Variants in C19orf12 observed in about 807,000 individuals in gnomAD.
C19orf12 encodes chromosome 19 open reading frame 12.
In C19orf12, 2 loss-of-function variants were observed where a neutral mutation model predicts 3.8. The ratio of observed to expected loss-of-function variants is 0.53; its 90% CI spans 0.22 to 1.66. C19orf12 has a LOEUF of 1.66. Ranked by LOEUF, C19orf12 falls within the 40% of genes most tolerant of loss-of-function variation. C19orf12 has a pLI of 0.20. For synonymous variants in C19orf12, 89 were observed against 84.6 expected (o/e 1.05, Z -0.28); for missense variants, 156 against 188.8 (o/e 0.83, Z 1.02).
chr19:29,699,310 A>T lies in C19orf12; in HGVS notation c.*3402T>A, dbSNP rs1211881605. 6.4e-6 allele frequency: 2 copies of T among 311,156 alleles called. No individual in the cohort carries two copies. The highest frequency in any genetic ancestry group is 8.9e-5 in the East Asian group (1 of 11,182). The allele number at this position is 311,156 out of a possible 1,614,324, so 19.3% of individuals were successfully genotyped here. A position where few individuals can be genotyped will look rare whatever the true frequency, so the allele number is the denominator to read the frequency against. On this transcript the variant is annotated 3_prime_UTR_variant, in exon 3 of 3. Coordinates refer to ENST00000323670, the MANE Select transcript of C19orf12 (RefSeq NM_031448.6). ...GTGAAACCCCGTCTCTACTAAAAATAAAAAAAAAATAAAAAAATAAAAATT... is the reference window on the plus strand; with the variant it reads ...GTGAAACCCCGTCTCTACTAAAAATTAAAAAAAAATAAAAAAATAAAAATT...
At position 29,701,196 on chromosome 19, in the gene C19orf12, T is replaced by C. The variant is rs1481066923; in HGVS notation, c.*1516A>G. The C allele has an allele frequency of 4.4e-6, 2 of 454,026 alleles. No individual in the cohort carries two copies. Among genetic ancestry groups the C allele is most frequent in the African/African-American group, 4.0e-5 (2 of 50,010 alleles). 28.1% of individuals were successfully genotyped at this position (454,026 alleles called of 1,614,324 possible). A position where few individuals can be genotyped will look rare whatever the true frequency, so the allele number is the denominator to read the frequency against. On this transcript the variant is annotated 3_prime_UTR_variant, in exon 3 of 3. Transcript: ENST00000323670. The stretch of plus-strand genomic sequence containing the variant: ...AAAACATTTATTGTAATCGATCACA[T>C]TCAAGTCGTAGTTCTGAAAGCAAAG...
chr19:29,703,031 T>C, intron 2 of C19orf12, 54 bp from the exon 3 acceptor site: 1 of 1,611,004 alleles, frequency 6.2e-7, no homozygotes, highest in Non-Finnish European at 8.5e-7. Flanking sequence ...GCGATGGCCT[T>C]ACTTAAGTTC....
At chr19:29,706,411 C>T (rs1972380488) in intron 2 of C19orf12, among the ~76,000 whole-genome samples, 1 of 152,158 alleles carries the variant, frequency 6.6e-6, no homozygotes, top group African/African-American at 2.4e-5. Flanking sequence ...GATGCTCCCG[C>T]CCATGACCAG....
At position 29,702,235 on chromosome 19, in the gene C19orf12, C is replaced by T. The variant is rs1446237047; in HGVS notation, c.*477G>A. 1 of 455,018 alleles carries T rather than the reference C, an allele frequency of 2.2e-6. No homozygotes were observed. Among genetic ancestry groups the T allele is most frequent in the South Asian group, 1.6e-5 (1 of 64,490 alleles). 28.2% of individuals were successfully genotyped at this position (455,018 alleles called of 1,614,324 possible). A position where few individuals can be genotyped will look rare whatever the true frequency, so the allele number is the denominator to read the frequency against. ...CACTAGGAGGTAAACATGATTCCAG[C>T]ATGGGCTGCTCCAAGGCCCTGAGAC... On this transcript the variant is annotated 3_prime_UTR_variant, in exon 3 of 3. Transcript: ENST00000323670.
In C19orf12 at chr19:29,702,510, A is replaced by G; in HGVS notation, c.*202T>C. On this transcript the variant is annotated 3_prime_UTR_variant, in exon 3 of 3. Coordinates refer to ENST00000323670, the MANE Select transcript of C19orf12 (RefSeq NM_031448.6). ...GTCATGGCAGGCCAGTGCACATGCC[A>G]CCAACACATGCTGCTTCATCAGTAA... 1.3e-6 allele frequency: 1 copy of G among 777,730 alleles called. No individual in the cohort carries two copies. Among genetic ancestry groups the G allele is most frequent in the Non-Finnish European group, 2.2e-6 (1 of 455,386 alleles). The allele number at this position is 777,730 out of a possible 1,614,324, so 48.2% of individuals were successfully genotyped here.
chr19:29,703,326 C>CTCTAATCA (rs918533937), intron 2 of C19orf12, among the ~76,000 whole-genome samples: 1 of 151,842 alleles, frequency 6.6e-6, no homozygotes, highest in African/African-American at 2.4e-5. Context: ...AAAAATCCCT[C>CTCTAATCA]TCTAATCACA....
At chr19:29,705,731 G>A (rs1293832669) in intron 2 of C19orf12, among the ~76,000 whole-genome samples, 2 of 151,724 alleles carry the variant, frequency 1.3e-5, no homozygotes, top group Non-Finnish European at 1.5e-5. Flanking sequence ...TGCCCAGTCC[G>A]GTCTCGAACT....
chr19:29,704,182 C>G (rs1005114382), intron 2 of C19orf12, among the ~76,000 whole-genome samples: 2 of 152,130 alleles, frequency 1.3e-5, no homozygotes, highest in African/African-American at 4.8e-5. Flanking sequence ...CGATAAATAA[C>G]AAACTGGCCG....
chr19:29,711,493 A>T (rs1972673997), intron 1 of C19orf12, among the ~76,000 whole-genome samples: 2 of 152,154 alleles, frequency 1.3e-5, no homozygotes, highest in Non-Finnish European at 2.9e-5. Context: ...TGTCAATTAT[A>T]TTGGAAAAAG....
At chr19:29,704,340 G>C (rs1438917480) in intron 2 of C19orf12, among the ~76,000 whole-genome samples, 2 of 151,392 alleles carry the variant, frequency 1.3e-5, no homozygotes, top group African/African-American at 4.9e-5. Context: ...ATAGTGGTGG[G>C]TGCCTGTAAT....
intron 1 of C19orf12, among the ~76,000 whole-genome samples, chr19:29,709,161 G>C (rs1371754902): frequency 6.6e-6 from 1 of 152,244 alleles, no homozygotes. Context: ...ATAAAGCAGG[G>C]AGACAAAGCA....
rs758406764 is a variant in C19orf12 at position 29,702,484 on chromosome 19, T to G, written c.*228A>C. The G allele has an allele frequency of 1.4e-6, 1 of 718,604 alleles. No individual in the cohort carries two copies. Among genetic ancestry groups the G allele is most frequent in the Admixed American group, 2.0e-5 (1 of 49,626 alleles). 44.5% of individuals were successfully genotyped at this position (718,604 alleles called of 1,614,324 possible). A position where few individuals can be genotyped will look rare whatever the true frequency, so the allele number is the denominator to read the frequency against. On this transcript the variant is annotated 3_prime_UTR_variant, in exon 3 of 3. Coordinates refer to ENST00000323670, the MANE Select transcript of C19orf12 (RefSeq NM_031448.6). The stretch of plus-strand genomic sequence containing the variant: ...TTCACTGGGGGGCCAGTCAGAGGGC[T>G]GTCATGGCAGGCCAGTGCACATGCC...
intron 1 of C19orf12, 69 bp downstream of exon 1, chr19:29,715,055 TG>T (rs1354001925): frequency 1.6e-6 from 1 of 644,592 alleles, no homozygotes; most frequent in East Asian, 3.2e-5. Flanking sequence ...GGCCTGCTCT[TG>T]GGGTGCCCCC....
At position 29,702,692 on chromosome 19, in the gene C19orf12, C is replaced by T. The variant is rs770407188; in HGVS notation, c.*20G>A. 2.1e-5 allele frequency: 34 copies of T among 1,612,526 alleles called. No individual in the cohort carries two copies. The highest frequency in any genetic ancestry group is 5.0e-5 in the Admixed American group (3 of 60,010). On this transcript the variant is annotated 3_prime_UTR_variant, in exon 3 of 3. Transcript: ENST00000323670. ...CACAGAGTCATTTAAAGGGGCCCCC[C>T]ACCTCCCCGGAGGTGCGGCCTAGTC...
chr19:29,701,768 T>C lies in C19orf12; in HGVS notation c.*944A>G, dbSNP rs549030034. On this transcript the variant is annotated 3_prime_UTR_variant, in exon 3 of 3. Transcript: ENST00000323670. ...TTTGGCACCATTTTCCAACAGCATG[T>C]GCTCACTTTGCGTTTCTGTGTCAGC... 2.1e-3 allele frequency: 939 copies of C among 451,130 alleles called. 13 individuals carry two copies. The highest frequency in any genetic ancestry group is 0.014 in the South Asian group (912 of 64,242). 27.9% of individuals were successfully genotyped at this position (451,130 alleles called of 1,614,324 possible). A position where few individuals can be genotyped will look rare whatever the true frequency, so the allele number is the denominator to read the frequency against.
At chr19:29,703,273 A>G (rs779276487) in intron 2 of C19orf12, among the ~76,000 whole-genome samples, 1 of 151,792 alleles carries the variant, frequency 6.6e-6, no homozygotes, top group Non-Finnish European at 1.5e-5. Flanking sequence ...TGCTGGGCCC[A>G]CTTTCTTCTT....
chr19:29,701,305 C>A lies in C19orf12; in HGVS notation c.*1407G>T. On this transcript the variant is annotated 3_prime_UTR_variant, in exon 3 of 3. Transcript: ENST00000323670. ...AACCTCAACCCTCAGACACCGACATCTGAGGATGCTCAAGTCCCTGATGGG... is the reference window on the plus strand; with the variant it reads ...AACCTCAACCCTCAGACACCGACATATGAGGATGCTCAAGTCCCTGATGGG... The A allele has an allele frequency of 2.2e-6, 1 of 454,144 alleles. No individual in the cohort carries two copies. Among genetic ancestry groups the A allele is most frequent in the Non-Finnish European group, 4.4e-6 (1 of 226,800 alleles). 28.1% of individuals were successfully genotyped at this position (454,144 alleles called of 1,614,324 possible).
chr19:29,699,327 A>C lies in C19orf12; in HGVS notation c.*3385T>G, dbSNP rs1206356284. 2.7e-6 allele frequency: 1 copy of C among 367,438 alleles called. No homozygotes were observed. Among genetic ancestry groups the C allele is most frequent in the South Asian group, 2.1e-5 (1 of 46,638 alleles). The allele number at this position is 367,438 out of a possible 1,614,324, so 22.8% of individuals were successfully genotyped here. On this transcript the variant is annotated 3_prime_UTR_variant, in exon 3 of 3. Coordinates refer to ENST00000323670, the MANE Select transcript of C19orf12 (RefSeq NM_031448.6). ...CTAAAAATAAAAAAAAAATAAAAAAATAAAAATTAGCCGGGCATGGTGGCG... is the reference window on the plus strand; with the variant it reads ...CTAAAAATAAAAAAAAAATAAAAAACTAAAAATTAGCCGGGCATGGTGGCG...
chr19:29,705,698 G>T (rs192285534), intron 2 of C19orf12, among the ~76,000 whole-genome samples: 2 of 151,142 alleles, frequency 1.3e-5, no homozygotes, highest in Non-Finnish European at 2.9e-5. Context: ...ATTATTTTTC[G>T]TAGAGACGGG....
Sources: allele counts gnomAD v4.1 joint callset (sites outside exome capture counted in the v4.1 genomes callset), GRCh38; gene constraint gnomAD v4.1.1; transcripts MANE v1.5; gene names NCBI Gene and HGNC (gene_info 2026-07-23, HGNC 2026-07-21).